Variants in SLC8A3 observed in about 807,000 individuals in gnomAD.
SLC8A3 encodes solute carrier family 8 member A3, also known as sodium/calcium exchanger 3.
Under a neutral mutation model 65.4 loss-of-function variants are expected in SLC8A3, and 37 were observed. That is an observed-to-expected ratio of 0.57 (90% CI 0.44 to 0.74). The LOEUF (loss-of-function observed/expected upper bound fraction) is 0.74. Ranked by LOEUF, SLC8A3 falls within the 30% of genes least tolerant of loss-of-function variation. The probability of loss-of-function intolerance (pLI) is 0.00; values close to 1 mark genes in which losing one functional copy is unlikely to be tolerated. For missense variants in SLC8A3, 1,112 were observed against 1,172.1 expected, an observed-to-expected ratio of 0.95 and a Z score of 0.75; for synonymous variants, 461 against 444.5, an observed-to-expected ratio of 1.04 and a Z score of -0.47.
At chr14:70,095,083 A>T (rs1474512801) in intron 2 of SLC8A3, among the ~76,000 whole-genome samples, 1 of 152,204 alleles carries the variant, frequency 6.6e-6, no homozygotes, top group Non-Finnish European at 1.5e-5. Flanking sequence ...CACCTCATAG[A>T]GACGTTGTGA....
rs531158743 is a variant in SLC8A3, at chr14:70,150,671, C to T, written c.1784+15968G>A. 3.9e-5 allele frequency among the ~76,000 whole-genome samples: 6 copies of T among 152,292 alleles called. No individual in the cohort carries two copies. In the East Asian group the frequency reaches 1.2e-3, roughly 29 times the overall value. On this transcript the variant is annotated intron_variant, in intron 2 of 6. Transcript: ENST00000356921. ...CATCTTCAGCTGTGCCCCAGCCAGG[C>T]CTGCCTCTCTTTGCAGAGGAAAGCA...
chr14:70,187,719 GCAGACCAC>G (rs559054504), intron 1 of SLC8A3, among the ~76,000 whole-genome samples: 1 of 151,854 alleles, frequency 6.6e-6, no homozygotes, highest in East Asian at 1.9e-4. Context: ...CCCGGATCAC[GCAGACCAC>G]CAGGGGCTGG....
At chr14:70,073,990 CAATT>C (rs1890246365) in intron 2 of SLC8A3, among the ~76,000 whole-genome samples, 1 of 152,174 alleles carries the variant, frequency 6.6e-6, no homozygotes, top group Non-Finnish European at 1.5e-5. Flanking sequence ...GAAAATATTT[CAATT>C]AGAGACTTAA....
chr14:70,098,523 G>T (rs1192370042), intron 2 of SLC8A3, among the ~76,000 whole-genome samples: 1 of 152,200 alleles, frequency 6.6e-6, no homozygotes, highest in Admixed American at 6.5e-5. Context: ...AGCAGGTGGA[G>T]AAGAGACTGA....
chr14:70,100,389 C>A (rs1466240039), intron 2 of SLC8A3, among the ~76,000 whole-genome samples: 2 of 152,222 alleles, frequency 1.3e-5, no homozygotes, highest in African/African-American at 4.8e-5. Context: ...GGGACAACAG[C>A]ACACAAATGA....
chr14:70,065,900 G>T (rs1221973220), intron 2 of SLC8A3, among the ~76,000 whole-genome samples: 1 of 152,200 alleles, frequency 6.6e-6, no homozygotes, highest in Non-Finnish European at 1.5e-5. Flanking sequence ...TCCTAAATGG[G>T]CTATTAGAGG....
intron 2 of SLC8A3, among the ~76,000 whole-genome samples, chr14:70,125,050 A>T (rs887861232): frequency 6.6e-6 from 1 of 152,220 alleles, no homozygotes; most frequent in Non-Finnish European, 1.5e-5. Flanking sequence ...TGCACACAGG[A>T]GATACTCAAT....
At chr14:70,101,341 T>C (rs1892537002) in intron 2 of SLC8A3, among the ~76,000 whole-genome samples, 1 of 151,852 alleles carries the variant, frequency 6.6e-6, no homozygotes, top group Non-Finnish European at 1.5e-5. Flanking sequence ...TGAGGATGAG[T>C]AACAGTGGAT....
chr14:70,181,088 G>A (rs530028316), intron 1 of SLC8A3, among the ~76,000 whole-genome samples: 3 of 152,198 alleles, frequency 2.0e-5, no homozygotes, highest in South Asian at 2.1e-4. Flanking sequence ...TCAGGGAGGA[G>A]CATAAAAGTC....
intron 2 of SLC8A3, among the ~76,000 whole-genome samples, chr14:70,072,523 C>T (rs1378276145): frequency 6.6e-6 from 1 of 151,932 alleles, no homozygotes; most frequent in East Asian, 1.9e-4. Context: ...CCCTTCCTTT[C>T]TTACAGAATA....
chr14:70,136,248 T>C (rs1895191685), intron 2 of SLC8A3, among the ~76,000 whole-genome samples: 1 of 152,142 alleles, frequency 6.6e-6, no homozygotes, highest in Non-Finnish European at 1.5e-5. Flanking sequence ...CAAGGAAGGA[T>C]TCTCCTCTAC....
chr14:70,076,827 G>T (rs1890564821), intron 2 of SLC8A3, among the ~76,000 whole-genome samples: 1 of 152,224 alleles, frequency 6.6e-6, no homozygotes, highest in Non-Finnish European at 1.5e-5. Context: ...TCCGATGACA[G>T]ATGCCATGAA....
intron 2 of SLC8A3, among the ~76,000 whole-genome samples, chr14:70,142,393 A>G (rs1374348275): frequency 1.3e-5 from 2 of 152,226 alleles, no homozygotes; most frequent in Non-Finnish European, 2.9e-5. Flanking sequence ...AATAGTCATC[A>G]TTTGATCACC....
At chr14:70,110,980 G>C (rs953268615) in intron 2 of SLC8A3, among the ~76,000 whole-genome samples, 4 of 152,162 alleles carry the variant, frequency 2.6e-5, no homozygotes, top group Non-Finnish European at 4.4e-5. Flanking sequence ...GCGCCCGGCT[G>C]CAGATACCTC....
intron 3 of SLC8A3, among the ~76,000 whole-genome samples, chr14:70,055,458 C>T (rs899803385): frequency 3.9e-5 from 6 of 152,088 alleles, no homozygotes; most frequent in Non-Finnish European, 8.8e-5. Flanking sequence ...GTCTCTTCCC[C>T]CACAACATGA....
chr14:70,140,224 C>T lies in SLC8A3; in HGVS notation c.1784+26415G>A, dbSNP rs575612352. Among the ~76,000 whole-genome samples, 9 of 152,204 alleles carry T rather than the reference C, an allele frequency of 5.9e-5. No homozygotes were observed. In the South Asian group the frequency reaches 1.2e-3, roughly 21 times the overall value. ...GGAGGGCAACAAAACAAAAGACTTTCGGAGAAAATGAGTGGAGAAAAAAAC... is the reference window on the plus strand; with the variant it reads ...GGAGGGCAACAAAACAAAAGACTTTTGGAGAAAATGAGTGGAGAAAAAAAC... On this transcript the variant is annotated intron_variant, in intron 2 of 6. Coordinates refer to ENST00000356921, the MANE Select transcript of SLC8A3 (RefSeq NM_182932.3).
intron 2 of SLC8A3, among the ~76,000 whole-genome samples, chr14:70,122,165 G>C (rs1224407653): frequency 6.6e-6 from 1 of 152,164 alleles, no homozygotes; most frequent in Non-Finnish European, 1.5e-5. Context: ...GACGAGGGGC[G>C]GTATGTGATT....
chr14:70,152,808 G>A (rs1265791292), intron 2 of SLC8A3, among the ~76,000 whole-genome samples: 2 of 152,220 alleles, frequency 1.3e-5, no homozygotes, highest in Non-Finnish European at 2.9e-5. Context: ...TCCTCCCAGG[G>A]AAAGGTTCTG....
chr14:70,052,663 T>C (rs1181874032), intron 3 of SLC8A3, among the ~76,000 whole-genome samples: 4 of 152,228 alleles, frequency 2.6e-5, no homozygotes, highest in Non-Finnish European at 5.9e-5. Context: ...CACTTCTCCA[T>C]GAAGACATGT....
Sources: allele counts gnomAD v4.1 joint callset (sites outside exome capture counted in the v4.1 genomes callset), GRCh38; gene constraint gnomAD v4.1.1; transcripts MANE v1.5; gene names NCBI Gene and HGNC (gene_info 2026-07-23, HGNC 2026-07-21).